KIF21A: variants seen among roughly 807,000 people sequenced by gnomAD.
KIF21A encodes the protein kinesin family member 21A, also known as kinesin-like protein KIF21A.
KIF21A carries 114 observed loss-of-function variants against 202.9 expected under a neutral mutation model. The observed-to-expected ratio is 0.56, with a 90% confidence interval of 0.48 to 0.66. The LOEUF is 0.66. KIF21A is among the 30% of genes least tolerant of loss of function. The probability of loss-of-function intolerance (pLI) is 0.00; values close to 1 mark genes in which losing one functional copy is unlikely to be tolerated. For synonymous variants in KIF21A, 667 were observed against 670.8 expected, an observed-to-expected ratio of 0.99 and a Z score of 0.09; for missense variants, 1,677 against 1,994.9, an observed-to-expected ratio of 0.84 and a Z score of 3.04.
chr12:39,341,085 T>G lies in KIF21A; in HGVS notation c.1931A>C (p.Gln644Pro). The G allele has an allele frequency of 6.2e-7, 1 of 1,602,356 alleles. No individual in the cohort carries two copies. Among genetic ancestry groups the G allele is most frequent in the Admixed American group, 1.7e-5 (1 of 58,948 alleles). Residue 644 changes from glutamine (Q) to proline (P), a missense_variant, in exon 15 of 38, where the codon CAA becomes CCA. Physicochemically the swap from Gln to Pro is moderately conservative, Grantham distance 76. Transcript: ENST00000361418. ...ACAAGTAATGTTTGCCAAGTCTGCT[T>G]GATAATTGGCTATTTATAAAAGAAG... ...DSESDEKANY[Q>P]ADLANITCEI...
chr12:39,355,793 A>T lies in KIF21A; in HGVS notation c.1469+1039T>A, dbSNP rs186477708. ...ACACACACATACACAGAATAAAATT[A>T]TACTTGAATAACTATATTGCCACAT... On this transcript the variant is annotated intron_variant, in intron 10 of 37. Transcript: ENST00000361418. Among the ~76,000 whole-genome samples, 870 of 148,740 alleles carry T rather than the reference A, an allele frequency of 5.8e-3. 8 individuals carry two copies. Among genetic ancestry groups the T allele is most frequent in the African/African-American group, 0.021 (837 of 39,904 alleles).
At chr12:39,347,901 T>C (rs2138580526) in intron 11 of KIF21A, among the ~76,000 whole-genome samples, 1 of 151,764 alleles carries the variant, frequency 6.6e-6, no homozygotes, top group East Asian at 1.9e-4. Context: ...ATGGTAAATT[T>C]TCCTCGTCCA....
chr12:39,310,173 T>C (rs190543945), intron 32 of KIF21A, among the ~76,000 whole-genome samples: 52 of 152,096 alleles, frequency 3.4e-4, no homozygotes, highest in Admixed American at 2.8e-3. Flanking sequence ...CACACATTTT[T>C]CCCCCCAAGG....
intron 1 of KIF21A, among the ~76,000 whole-genome samples, chr12:39,413,790 A>G (rs1480239812): frequency 2.0e-5 from 3 of 152,136 alleles, no homozygotes; most frequent in Non-Finnish European, 4.4e-5. Context: ...TAAAAATAAA[A>G]TAAAAATGTA....
intron 1 of KIF21A, among the ~76,000 whole-genome samples, chr12:39,381,102 G>A (rs753369739): frequency 3.3e-5 from 5 of 151,838 alleles, no homozygotes; most frequent in Non-Finnish European, 7.4e-5. Flanking sequence ...TCAGGAGATC[G>A]CAACCATCCT....
intron 28 of KIF21A, 60 bp downstream of exon 28, chr12:39,319,846 G>T: frequency 1.0e-6 from 1 of 953,884 alleles, no homozygotes; most frequent in Non-Finnish European, 1.7e-6. Context: ...ATTATCTTTA[G>T]CATCTAAGTG....
Position 39,301,645 on chromosome 12 carries a change from G to C in KIF21A, c.4766C>G (p.Ala1589Gly). The C allele has an allele frequency of 6.2e-7, 1 of 1,614,028 alleles. No individual in the cohort carries two copies. Among genetic ancestry groups the C allele is most frequent in the Admixed American group, 1.7e-5 (1 of 60,018 alleles). Residue 1589 changes from alanine (A) to glycine (G), a missense_variant, in exon 37 of 38, where the codon GCC (alanine) becomes GGC (glycine). By Grantham distance (60) the Ala-to-Gly change is moderately conservative. Around this residue, in one of 3 missense-constraint regions of KIF21A, gnomAD observed 705 missense variants for 791.9 expected, o/e 0.89. Coordinates refer to ENST00000361418, the MANE Select transcript of KIF21A (RefSeq NM_001173464.2). ...TGGGTGGTCTGGCACCACTCCCAGGGCACAGACCCAATCCTTATGTGCATT... is the reference window on the plus strand; with the variant it reads ...TGGGTGGTCTGGCACCACTCCCAGGCCACAGACCCAATCCTTATGTGCATT... The part of the protein sequence containing the change: ...VPNAHKDWVC[A>G]LGVVPDHPVL...
chr12:39,347,198 C>A, intron 11 of KIF21A, among the ~76,000 whole-genome samples: 1 of 149,182 alleles, frequency 6.7e-6, no homozygotes, highest in Non-Finnish European at 1.5e-5. Context: ...TTATTATAAA[C>A]TAACTACTGA....
intron 1 of KIF21A, among the ~76,000 whole-genome samples, chr12:39,427,342 T>G (rs756528119): frequency 1.3e-5 from 2 of 152,206 alleles, no homozygotes; most frequent in Non-Finnish European, 2.9e-5. Flanking sequence ...CTTTTTACAT[T>G]TTTACTAGCT....
chr12:39,366,398 T>C lies in KIF21A; in HGVS notation c.855A>G (p.Gly285=). 2 of 1,614,026 alleles carry C rather than the reference T, an allele frequency of 1.2e-6. No individual in the cohort carries two copies. The highest frequency in any genetic ancestry group is 1.7e-6 in the Non-Finnish European group (2 of 1,179,948). Residue 285 remains glycine, a synonymous_variant, in exon 6 of 38, where the codon GGA becomes GGG. Transcript: ENST00000361418. ...CTTCTTTTGCCCTCTCGCCTGTAGC[T>C]CCAGTACGCTTCAGTCTTTCAGATC... ...LAGSERLKRT[G]ATGERAKEGI... is the part of the protein sequence containing the mutation.
chr12:39,314,250 T>C (rs2080922070), intron 31 of KIF21A, among the ~76,000 whole-genome samples: 1 of 151,810 alleles, frequency 6.6e-6, no homozygotes, highest in African/African-American at 2.4e-5. Flanking sequence ...TGAAATGTGA[T>C]GCCATGATTT....
intron 7 of KIF21A, among the ~76,000 whole-genome samples, chr12:39,360,806 A>G (rs1949149895): frequency 6.6e-6 from 1 of 152,216 alleles, no homozygotes; most frequent in Admixed American, 6.5e-5. Context: ...ACCAGCTCGA[A>G]TTTTTTAAAA....
chr12:39,368,134 ATTTCAAAATGACATATTT>A, intron 3 of KIF21A, 102 bp from the exon 4 acceptor site: 1 of 733,902 alleles, frequency 1.4e-6, no homozygotes, highest in South Asian at 1.7e-5. Context: ...TTTTTAAAGT[ATTTCAAAATGACATATTT>A]TTTCAAAATA....
At chr12:39,333,413 T>C (rs1016085643) in intron 17 of KIF21A, 133 bp from the exon 18 acceptor site, 1 of 688,870 alleles carries the variant, frequency 1.5e-6, no homozygotes, top group Middle Eastern at 3.7e-4. Flanking sequence ...AACAACCTTG[T>C]ATATATTATT....
chr12:39,371,046 A>G (rs191384269), intron 1 of KIF21A, among the ~76,000 whole-genome samples: 146 of 152,244 alleles, frequency 9.6e-4, no homozygotes, highest in Non-Finnish European at 1.5e-3. Context: ...ATCACTTATA[A>G]TACCTAATAC....
intron 24 of KIF21A, among the ~76,000 whole-genome samples, chr12:39,329,075 G>A (rs1035938257): frequency 1.3e-5 from 2 of 152,190 alleles, no homozygotes; most frequent in Admixed American, 6.5e-5. Flanking sequence ...TAAAACTGGA[G>A]AACAACTAAA....
In KIF21A at chr12:39,377,148, C is replaced by A. The variant is rs899295245; in HGVS notation, c.45-6887G>T. ...CCGCTTTGTGTAGTTCTTTTACTTA[C>A]ACCTATCTGTAACTAGCCCACTTGG... is the stretch of plus-strand genomic sequence containing the variant. On this transcript the variant is annotated intron_variant, in intron 1 of 37. Coordinates refer to ENST00000361418, the MANE Select transcript of KIF21A (RefSeq NM_001173464.2). Among the ~76,000 whole-genome samples the A allele has an allele frequency of 3.3e-5, 5 of 152,090 alleles. No homozygotes were observed. The South Asian group carries it at 1.0e-3, about 32-fold the overall frequency.
intron 1 of KIF21A, among the ~76,000 whole-genome samples, chr12:39,437,390 C>T (rs1385612939): frequency 6.6e-6 from 1 of 152,202 alleles, no homozygotes; most frequent in African/African-American, 2.4e-5. Flanking sequence ...TATCAACCCA[C>T]ATTTTGTAAA....
chr12:39,313,658 G>GATATATT (rs1472509252), intron 31 of KIF21A, among the ~76,000 whole-genome samples: 1 of 151,526 alleles, frequency 6.6e-6, no homozygotes, highest in African/African-American at 2.4e-5. Context: ...TTATTAAATG[G>GATATATT]ATATATTAAA....
Sources: gnomAD v4.1 joint callset for allele counts (sites outside exome capture counted in the v4.1 genomes callset) on GRCh38, gnomAD v4.1.1 for gene constraint, gnomAD v4.1.1 regional missense constraint, MANE v1.5 for transcripts, NCBI Gene and HGNC (gene_info 2026-07-23, HGNC 2026-07-21) for gene names.